The following TRIM4 variants were observed in gnomAD, a reference collection of about 807,000 sequenced individuals.
The protein encoded by TRIM4 is E3 ubiquitin-protein ligase TRIM4.
A neutral mutation model predicts 33.7 loss-of-function variants in TRIM4; 29 were observed. That is an observed-to-expected ratio of 0.86 (90% CI 0.64 to 1.17). The LOEUF (loss-of-function observed/expected upper bound fraction) is 1.17, where lower values mean the gene tolerates loss of function less well. Among genes scored for constraint, TRIM4 ranks in the 50% most tolerant of loss-of-function variants. TRIM4 has a pLI of 0.00. For synonymous variants in TRIM4, 224 were observed against 233.0 expected (o/e 0.96, Z 0.35); for missense variants, 554 against 593.7 (o/e 0.93, Z 0.69).
intron 3 of TRIM4, 113 bp from the exon 4 acceptor site, chr7:99,903,711 T>A: frequency 8.4e-7 from 1 of 1,194,088 alleles, no homozygotes. Context: ...TCACATATGA[T>A]CTCCTGCTGC....
rs1019325171 is a variant in TRIM4 at position 99,909,594 on chromosome 7, C to A, written c.460G>T (p.Val154Leu). The A allele has an allele frequency of 6.2e-7, 1 of 1,613,954 alleles. No individual in the cohort carries two copies. Among genetic ancestry groups the A allele is most frequent in the African/African-American group, 1.3e-5 (1 of 74,912 alleles). ...CACTGTGTGGCGTTCTTCACTTCTA[C>A]ATCCTGTAAATGCATGACTTTCTTC... ...KMKKVMHLQD[V>L]EVKNATQWKD... The change falls in exon 2 of 6, where the codon GTA becomes TTA. Residue 154 changes from valine (V) to leucine (L), a missense_variant. This residue lies in a region of TRIM4 where 31 missense variants were observed against 54.8 expected (regional missense o/e 0.57). Transcript: ENST00000349062.
chr7:99,899,729 ATG>A (rs1819111508), intron 5 of TRIM4, among the ~76,000 whole-genome samples: 1 of 152,156 alleles, frequency 6.6e-6, no homozygotes, highest in African/African-American at 2.4e-5. Flanking sequence ...AAGGATATAT[ATG>A]TCTGTGTCTG....
Position 99,909,571 on chromosome 7 carries a change from C to T in TRIM4, c.483G>A (p.Gln161=). ...LQDVEVKNAT[Q]WKDKIKSQRM... ...CAACCACTTCTGCCATTACCTTCCA[C>T]TGTGTGGCGTTCTTCACTTCTACAT... The change falls in exon 2 of 6, where the codon CAG becomes CAA. Residue 161 remains glutamine (Q), a synonymous_variant. Coordinates refer to ENST00000349062, the MANE Select transcript of TRIM4 (RefSeq NM_033091.3). The T allele has an allele frequency of 6.2e-7, 1 of 1,613,920 alleles. No individual in the cohort carries two copies. Among genetic ancestry groups the T allele is most frequent in the Non-Finnish European group, 8.5e-7 (1 of 1,179,908 alleles).
intron 2 of TRIM4, 21 bp from the exon 3 acceptor site, chr7:99,908,833 C>T (rs1230043634): frequency 6.2e-7 from 1 of 1,603,074 alleles, no homozygotes; most frequent in Non-Finnish European, 8.5e-7. Context: ...ATGAGATTTG[C>T]TCACTCCTTT....
intron 5 of TRIM4, among the ~76,000 whole-genome samples, chr7:99,898,990 G>A (rs1186169193): frequency 6.6e-6 from 1 of 152,240 alleles, no homozygotes; most frequent in Non-Finnish European, 1.5e-5. Context: ...TGGCAGCAAT[G>A]CTACTGCACA....
chr7:99,901,808 C>T (rs1819175957), intron 5 of TRIM4: 2 of 369,230 alleles, frequency 5.4e-6, no homozygotes, highest in African/African-American at 4.2e-5. Flanking sequence ...TTTTCACAGG[C>T]ATGTGCTGAT....
At chr7:99,912,935 T>C (rs1436678425) in intron 1 of TRIM4, among the ~76,000 whole-genome samples, 2 of 152,246 alleles carry the variant, frequency 1.3e-5, no homozygotes, top group Non-Finnish European at 2.9e-5. Flanking sequence ...TTAATAGGCA[T>C]GTAACCCTGC....
intron 3 of TRIM4, 169 bp downstream of exon 3, chr7:99,908,413 T>C: frequency 8.3e-6 from 5 of 601,066 alleles, no homozygotes; most frequent in Non-Finnish European, 1.5e-5. Context: ...TTCACATTAA[T>C]TTCCTTTGAA....
At chr7:99,915,006 C>T (rs571311915) in intron 1 of TRIM4, among the ~76,000 whole-genome samples, 1 of 152,176 alleles carries the variant, frequency 6.6e-6, no homozygotes, top group South Asian at 2.1e-4. Context: ...GACAGGGTTT[C>T]ACCATGTTGG....
At chr7:99,918,732 A>C (rs1279415182) in intron 1 of TRIM4, among the ~76,000 whole-genome samples, 3 of 152,006 alleles carry the variant, frequency 2.0e-5, no homozygotes, top group African/African-American at 7.3e-5. Flanking sequence ...AGCGGCACAC[A>C]CCCTCTCAGT....
intron 3 of TRIM4, among the ~76,000 whole-genome samples, chr7:99,904,134 C>A (rs528118434): frequency 1.3e-5 from 2 of 152,140 alleles, no homozygotes; most frequent in South Asian, 2.1e-4. Context: ...ACTATTATAA[C>A]CTTGTTCCTT....
At chr7:99,909,685 A>G in intron 1 of TRIM4, 25 bp from the exon 2 acceptor site, 1 of 1,550,652 alleles carries the variant, frequency 6.4e-7, no homozygotes, top group South Asian at 1.1e-5. Context: ...ACACACAGGT[A>G]AGAAAACACA....
intron 3 of TRIM4, among the ~76,000 whole-genome samples, chr7:99,905,124 G>C (rs567143847): frequency 6.6e-6 from 1 of 152,266 alleles, no homozygotes; most frequent in African/African-American, 2.4e-5. Context: ...TTTAGGAAGA[G>C]GGAAGGGGTG....
At chr7:99,893,065 A>G (rs1025187425) in intron 5 of TRIM4, among the ~76,000 whole-genome samples, 2 of 152,178 alleles carry the variant, frequency 1.3e-5, no homozygotes. Flanking sequence ...CCTGGCCAAC[A>G]TGGCGAAACC....
At position 99,903,669 on chromosome 7, in the gene TRIM4, C is replaced by T. The variant is rs973454838; in HGVS notation, c.721-71G>A. On this transcript the variant is annotated intron_variant, in intron 3 of 5. Coordinates refer to ENST00000349062, the MANE Select transcript of TRIM4 (RefSeq NM_033091.3). ...GAGACCTGGAATACAACTGTGTGAGCAGGTATTTTCTGACGGTTGCATTTG... is the reference window on the plus strand; with the variant it reads ...GAGACCTGGAATACAACTGTGTGAGTAGGTATTTTCTGACGGTTGCATTTG... The T allele has an allele frequency of 4.4e-6, 7 of 1,574,262 alleles. No individual in the cohort carries two copies. In the African/African-American group the frequency reaches 9.4e-5, roughly 21 times the overall value.
At chr7:99,910,024 G>A (rs759544916) in intron 1 of TRIM4, among the ~76,000 whole-genome samples, 6 of 151,336 alleles carry the variant, frequency 4.0e-5, no homozygotes, top group Non-Finnish European at 7.4e-5. Context: ...GAGCCACCAC[G>A]CCTGGCAACT....
At chr7:99,897,379 G>A (rs758257321) in intron 5 of TRIM4, among the ~76,000 whole-genome samples, 2 of 152,136 alleles carry the variant, frequency 1.3e-5, no homozygotes, top group South Asian at 2.1e-4. Context: ...GGAGACAGTC[G>A]ATCCCACCCT....
intron 3 of TRIM4, chr7:99,908,355 T>C (rs1819357264): frequency 8.6e-6 from 4 of 465,834 alleles, no homozygotes; most frequent in Non-Finnish European, 1.5e-5. Flanking sequence ...ACTATGAGAC[T>C]GTGTGAATCA....
intron 1 of TRIM4, among the ~76,000 whole-genome samples, chr7:99,911,247 T>C (rs1485631507): frequency 3.9e-5 from 6 of 152,178 alleles, no homozygotes; most frequent in Admixed American, 2.0e-4. Flanking sequence ...AGGCTAGAAC[T>C]GGCAACAACT....
Sources: allele counts gnomAD v4.1 joint callset (sites outside exome capture counted in the v4.1 genomes callset), GRCh38; gene constraint gnomAD v4.1.1; regional missense constraint gnomAD v4.1.1; transcripts MANE v1.5; gene names NCBI Gene and HGNC (gene_info 2026-07-23, HGNC 2026-07-21).